Variants in EP300 observed in about 807,000 individuals in gnomAD.
EP300 encodes EP300 lysine acetyltransferase.
EP300 carries 31 observed loss-of-function variants against 264.0 expected under a neutral mutation model. That is an observed-to-expected ratio of 0.12 (90% CI 0.09 to 0.16). The LOEUF is 0.16. Ranked by LOEUF, EP300 falls within the 10% of genes least tolerant of loss-of-function variation. The pLI is 1.00. For missense variants in EP300, 2,766 were observed against 3,052.9 expected, an observed-to-expected ratio of 0.91 and a Z score of 2.21; for synonymous variants, 1,340 against 1,045.4, an observed-to-expected ratio of 1.28 and a Z score of -5.44.
intron 14 of EP300, among the ~76,000 whole-genome samples, chr22:41,150,919 G>T (rs906142621): frequency 6.6e-6 from 1 of 151,410 alleles, no homozygotes; most frequent in Non-Finnish European, 1.5e-5. Flanking sequence ...GCAGATTTAT[G>T]AGTCCTTGTG....
At chr22:41,131,691 A>T in intron 6 of EP300, 58 bp downstream of exon 6, 1 of 1,611,170 alleles carries the variant, frequency 6.2e-7, no homozygotes, top group South Asian at 1.1e-5. Context: ...TGACATCTAT[A>T]AACACAGTGT....
At chr22:41,112,418 C>G (rs1008720715) in intron 1 of EP300, among the ~76,000 whole-genome samples, 1 of 151,802 alleles carries the variant, frequency 6.6e-6, no homozygotes, top group African/African-American at 2.4e-5. Context: ...AGGCTGGTCT[C>G]AAGCTCCTGA....
intron 27 of EP300, among the ~76,000 whole-genome samples, chr22:41,171,852 A>G (rs2059172719): frequency 6.6e-6 from 1 of 152,010 alleles, no homozygotes; most frequent in Non-Finnish European, 1.5e-5. Context: ...ACCTCAGGTG[A>G]TCCACCTGCC....
intron 14 of EP300, among the ~76,000 whole-genome samples, chr22:41,151,319 C>T (rs576249288): frequency 6.6e-6 from 1 of 152,226 alleles, no homozygotes; most frequent in South Asian, 2.1e-4. Context: ...ATACTGACTT[C>T]TCATTAAGAG....
intron 1 of EP300, among the ~76,000 whole-genome samples, chr22:41,093,516 A>G (rs577319986): frequency 1.3e-5 from 2 of 151,626 alleles, no homozygotes; most frequent in South Asian, 4.2e-4. Flanking sequence ...TCTACTTTCC[A>G]CTCTTCGAAA....
chr22:41,144,562 G>C (rs997735011), intron 10 of EP300, among the ~76,000 whole-genome samples: 5 of 151,640 alleles, frequency 3.3e-5, no homozygotes, highest in Non-Finnish European at 4.4e-5. Context: ...TCTGTATGTT[G>C]CCCAGACTAG....
Position 41,117,826 on chromosome 22 carries a change from G to A in EP300, c.729+5G>A. The A allele has an allele frequency of 1.2e-6, 2 of 1,613,730 alleles. No individual in the cohort carries two copies. The highest frequency in any genetic ancestry group is 1.3e-5 in the African/African-American group (1 of 75,048). ...AGAGGCCCCCAGCCTCTTAAGGTAA[G>A]TACAGTTTTGGTTTGTGTGCACAAT... On this transcript the variant is annotated splice_donor_5th_base_variant and intron_variant, in intron 2 of 30. Coordinates refer to ENST00000263253, the MANE Select transcript of EP300 (RefSeq NM_001429.4).
At position 41,179,902 on chromosome 22, in the gene EP300, ACACACACACACACACACACACT is replaced by A. The variant is rs71200668; in HGVS notation, c.*947_*968del. ...CACTCACACACACACACACACACACACACACACACACACACACACACTTTCTATAAAACTTGAAAATAGCAAA... is the reference window on the plus strand; with the variant it reads ...CACTCACACACACACACACACACACATTCTATAAAACTTGAAAATAGCAAA... On this transcript the variant is annotated 3_prime_UTR_variant, in exon 31 of 31. Transcript: ENST00000263253. 8,069 of 205,558 alleles carry A rather than the reference ACACACACACACACACACACACT, an allele frequency of 0.039. 234 individuals carry two copies. The highest frequency in any genetic ancestry group is 0.062 in the Middle Eastern group (43 of 692). 12.7% of individuals were successfully genotyped at this position (205,558 alleles called of 1,614,324 possible).
chr22:41,164,226 A>C, intron 22 of EP300, 96 bp downstream of exon 22: 1 of 1,140,028 alleles, frequency 8.8e-7, no homozygotes, highest in Non-Finnish European at 1.3e-6. Flanking sequence ...TATATCTTCA[A>C]AGTTACTATC....
intron 20 of EP300, 37 bp downstream of exon 20, chr22:41,160,759 T>C (rs767900664): frequency 6.3e-7 from 1 of 1,581,702 alleles, no homozygotes; most frequent in East Asian, 2.2e-5. Flanking sequence ...TGCTAATTAG[T>C]TTGTTGTCCA....
Position 41,179,003 on chromosome 22 carries a change from C to T in EP300, c.*47C>T. On this transcript the variant is annotated 3_prime_UTR_variant, in exon 31 of 31. Coordinates refer to ENST00000263253, the MANE Select transcript of EP300 (RefSeq NM_001429.4). Reference sequence around the variant, plus strand: ...GAGCAAAAAAATTATTTTCTCTTAACAAGACTTTTTGTACTGAAAACAATT... The same window carrying T: ...GAGCAAAAAAATTATTTTCTCTTAATAAGACTTTTTGTACTGAAAACAATT... 6.2e-7 allele frequency: 1 copy of T among 1,604,518 alleles called. No homozygotes were observed. Among genetic ancestry groups the T allele is most frequent in the Admixed American group, 1.7e-5 (1 of 59,422 alleles).
intron 1 of EP300, among the ~76,000 whole-genome samples, chr22:41,113,440 T>C (rs2058804953): frequency 6.6e-6 from 1 of 152,170 alleles, no homozygotes; most frequent in African/African-American, 2.4e-5. Flanking sequence ...TGTCTTTGAT[T>C]GTCTTCTTCA....
At chr22:41,145,552 C>T (rs2059005918) in intron 10 of EP300, among the ~76,000 whole-genome samples, 1 of 152,234 alleles carries the variant, frequency 6.6e-6, no homozygotes, top group South Asian at 2.1e-4. Context: ...TTTCTCTGTG[C>T]ACTATGTTGA....
Position 41,170,586 on chromosome 22 carries a change from AG to A in EP300, c.4452+19del. 2 of 1,568,664 alleles carry A rather than the reference AG, an allele frequency of 1.3e-6. No homozygotes were observed. Among genetic ancestry groups the A allele is most frequent in the Non-Finnish European group, 1.7e-6 (2 of 1,150,784 alleles). On this transcript the variant is annotated intron_variant, in intron 27 of 30. Coordinates refer to ENST00000263253, the MANE Select transcript of EP300 (RefSeq NM_001429.4). ...ATGACTACAAGGTCAGTTGGGACAT[AG>A]GGGCCAGGTGCTGACAATAGATCTG...
At position 41,121,555 on chromosome 22, in the gene EP300, G is replaced by A. The variant is rs186430254; in HGVS notation, c.729+3734G>A. On this transcript the variant is annotated intron_variant, in intron 2 of 30. Transcript: ENST00000263253. ...AAGTGTCAGGAAGAAATTACTGCCA[G>A]CTGATCAGCAATCAGTGTAGTCTGT... Among the ~76,000 whole-genome samples, 102 of 152,276 alleles carry A rather than the reference G, an allele frequency of 6.7e-4. 1 individual carries two copies. Among genetic ancestry groups the A allele is most frequent in the Admixed American group, 1.9e-3 (29 of 15,292 alleles).
chr22:41,107,178 C>T (rs1341368712), intron 1 of EP300, among the ~76,000 whole-genome samples: 3 of 152,116 alleles, frequency 2.0e-5, no homozygotes, highest in Non-Finnish European at 4.4e-5. Flanking sequence ...AGATTACAGG[C>T]ATGAGCCACG....
At chr22:41,163,894 CAG>C (rs2059121308) in intron 21 of EP300, among the ~76,000 whole-genome samples, 157 bp from the exon 22 acceptor site, 1 of 152,208 alleles carries the variant, frequency 6.6e-6, no homozygotes, top group Non-Finnish European at 1.5e-5. Context: ...GCCTGTACAA[CAG>C]AGACCCTATC....
intron 5 of EP300, 118 bp from the exon 6 acceptor site, chr22:41,131,270 A>C: frequency 8.7e-7 from 1 of 1,148,032 alleles, no homozygotes; most frequent in Non-Finnish European, 1.3e-6. Flanking sequence ...CAAGATCCAC[A>C]TACTCAGATG....
chr22:41,130,933 A>G (rs2058915462), intron 5 of EP300, among the ~76,000 whole-genome samples: 2 of 152,214 alleles, frequency 1.3e-5, no homozygotes, highest in African/African-American at 4.8e-5. Context: ...ACAGCATTTG[A>G]AAATGGAATT....
Sources: gnomAD v4.1 joint callset for allele counts (sites outside exome capture counted in the v4.1 genomes callset) on GRCh38, gnomAD v4.1.1 for gene constraint, MANE v1.5 for transcripts, NCBI Gene and HGNC (gene_info 2026-07-23, HGNC 2026-07-21) for gene names.